The following ARSB variants were observed in gnomAD, a reference collection of about 807,000 sequenced individuals.
ARSB encodes the protein arylsulfatase B, also known as N-acetylgalactosamine-4-sulfatase.
A neutral mutation model predicts 50.9 loss-of-function variants in ARSB; 41 were observed. The observed-to-expected ratio is 0.81, with a 90% CI of 0.63 to 1.04. The LOEUF is 1.04. Ranked by LOEUF, ARSB falls within the 50% of genes least tolerant of loss-of-function variation. The probability of loss-of-function intolerance (pLI) is 0.00; values close to 1 mark genes in which losing one functional copy is unlikely to be tolerated. For missense variants in ARSB, 672 were observed against 693.3 expected (o/e 0.97, Z 0.35); for synonymous variants, 269 against 284.8 (o/e 0.94, Z 0.56).
rs542579556 is a variant in ARSB at position 78,960,400 on chromosome 5, TTG to T, written c.690+4014_690+4015del. On this transcript the variant is annotated intron_variant, in intron 3 of 7. Coordinates refer to ENST00000264914, the MANE Select transcript of ARSB (RefSeq NM_000046.5). ...AAAAAGCATATGATAGGTTTTGAAA[TTG>T]TTTTTCTTTGACTTCTAAATTAAGA... Among the ~76,000 whole-genome samples, 260 of 152,300 alleles carry T rather than the reference TTG, an allele frequency of 1.7e-3. 1 individual carries two copies. Among genetic ancestry groups the T allele is most frequent in the Admixed American group, 3.7e-3 (57 of 15,298 alleles).
At chr5:78,961,881 G>A (rs370538542) in intron 3 of ARSB, among the ~76,000 whole-genome samples, 2 of 151,930 alleles carry the variant, frequency 1.3e-5, no homozygotes, top group East Asian at 3.9e-4. Context: ...GAGCCCAGGA[G>A]GAGGAATAAT....
At chr5:78,933,410 T>C (rs556777900) in intron 4 of ARSB, among the ~76,000 whole-genome samples, 2 of 152,336 alleles carry the variant, frequency 1.3e-5, no homozygotes, top group East Asian at 1.9e-4. Context: ...GTTAAAAGCA[T>C]CTATTTGCCC....
At chr5:78,910,508 C>T (rs777048887) in intron 4 of ARSB, among the ~76,000 whole-genome samples, 2 of 152,018 alleles carry the variant, frequency 1.3e-5, no homozygotes, top group Non-Finnish European at 2.9e-5. Flanking sequence ...TTAAAGTTTC[C>T]ATGATAATAG....
chr5:78,867,471 G>C (rs1458704833), intron 5 of ARSB, among the ~76,000 whole-genome samples: 1 of 152,242 alleles, frequency 6.6e-6, no homozygotes, highest in Non-Finnish European at 1.5e-5. Context: ...CTGGAGATCT[G>C]AGAACGGGTA....
intron 6 of ARSB, among the ~76,000 whole-genome samples, chr5:78,836,779 C>T (rs557411274): frequency 1.3e-5 from 2 of 152,228 alleles, no homozygotes; most frequent in South Asian, 2.1e-4. Context: ...TAAAGAACTA[C>T]CTGAGACTAG....
chr5:78,952,426 T>C (rs1751527974), intron 4 of ARSB, among the ~76,000 whole-genome samples: 1 of 152,062 alleles, frequency 6.6e-6, no homozygotes, highest in Admixed American at 6.6e-5. Context: ...AGCCTCAACC[T>C]CCTAGGCTCA....
chr5:78,967,847 C>T (rs3797550), intron 2 of ARSB, among the ~76,000 whole-genome samples: 40,430 of 151,676 alleles, frequency 0.27, 6,692 homozygotes, highest in African/African-American at 0.47. Flanking sequence ...TTTTTGGCTA[C>T]GGAGGGTTGT....
chr5:78,923,013 C>T (rs189988417), intron 4 of ARSB, among the ~76,000 whole-genome samples: 192 of 152,238 alleles, frequency 1.3e-3, no homozygotes, highest in Non-Finnish European at 2.4e-3. Flanking sequence ...TATAAGGAAA[C>T]GCTTTTTGAA....
Position 78,928,305 on chromosome 5 carries a change from C to CTT in ARSB, c.898+26988_898+26989dup, listed in dbSNP as rs34737292. 5.8e-3 allele frequency among the ~76,000 whole-genome samples: 422 copies of CTT among 72,566 alleles called. 68 individuals are homozygous for CTT. The highest frequency in any genetic ancestry group is 7.2e-3 in the Non-Finnish European group (281 of 38,774). 47.6% of individuals were successfully genotyped at this position (72,566 alleles called of 152,430 possible). A position where few individuals can be genotyped will look rare whatever the true frequency, so the allele number is the denominator to read the frequency against. On this transcript the variant is annotated intron_variant, in intron 4 of 7. Coordinates refer to ENST00000264914, the MANE Select transcript of ARSB (RefSeq NM_000046.5). ...CAACTGTGATTGCCATTTGCTTTTGCTTTTTTTTTTTTTTTTTTTTTTTTT... is the reference window on the plus strand; with the variant it reads ...CAACTGTGATTGCCATTTGCTTTTGCTTTTTTTTTTTTTTTTTTTTTTTTTTT...
chr5:78,913,273 C>G (rs922462319), intron 4 of ARSB, among the ~76,000 whole-genome samples: 1 of 152,104 alleles, frequency 6.6e-6, no homozygotes, highest in Non-Finnish European at 1.5e-5. Context: ...TACAGGCGCC[C>G]GCCACCTCGC....
At chr5:78,940,205 C>T (rs1037959140) in intron 4 of ARSB, among the ~76,000 whole-genome samples, 7 of 152,150 alleles carry the variant, frequency 4.6e-5, no homozygotes, top group Non-Finnish European at 8.8e-5. Context: ...GAGTAGATTG[C>T]AAAAATTTTC....
At chr5:78,937,197 C>A (rs1750642575) in intron 4 of ARSB, among the ~76,000 whole-genome samples, 1 of 150,770 alleles carries the variant, frequency 6.6e-6, no homozygotes, top group African/African-American at 2.4e-5. Flanking sequence ...TAAACCCAAA[C>A]AAATTGGAAA....
intron 1 of ARSB, among the ~76,000 whole-genome samples, chr5:78,984,242 T>C (rs1352718591): frequency 6.6e-6 from 1 of 152,228 alleles, no homozygotes; most frequent in Non-Finnish European, 1.5e-5. Context: ...GCTATGCAAA[T>C]GTTCTTGATA....
intron 5 of ARSB, among the ~76,000 whole-genome samples, chr5:78,870,790 A>G (rs1747109001): frequency 6.6e-6 from 1 of 151,398 alleles, no homozygotes; most frequent in African/African-American, 2.4e-5. Context: ...CTCCTATTCA[A>G]CATAGTGTTG....
chr5:78,942,616 G>A (rs1380525746), intron 4 of ARSB, among the ~76,000 whole-genome samples: 1 of 152,182 alleles, frequency 6.6e-6, no homozygotes, highest in Non-Finnish European at 1.5e-5. Context: ...TTAATCCTGA[G>A]TTCTAGTTTG....
At chr5:78,919,605 G>A (rs576251940) in intron 4 of ARSB, among the ~76,000 whole-genome samples, 2 of 152,246 alleles carry the variant, frequency 1.3e-5, no homozygotes, top group Admixed American at 1.3e-4. Flanking sequence ...TGATTCTCCA[G>A]CCTCAGCCTC....
At chr5:78,822,970 A>T (rs1380156671) in intron 6 of ARSB, among the ~76,000 whole-genome samples, 1 of 152,186 alleles carries the variant, frequency 6.6e-6, no homozygotes, top group Non-Finnish European at 1.5e-5. Flanking sequence ...TTATTTTTAC[A>T]CAACTGAGAT....
intron 3 of ARSB, among the ~76,000 whole-genome samples, chr5:78,957,780 G>A (rs902775066): frequency 6.6e-6 from 1 of 151,972 alleles, no homozygotes; most frequent in Non-Finnish European, 1.5e-5. Context: ...TCTTGGCTGC[G>A]ATGTCTGGAG....
chr5:78,856,825 C>T (rs1187520765), intron 5 of ARSB, among the ~76,000 whole-genome samples: 2 of 152,290 alleles, frequency 1.3e-5, no homozygotes, highest in East Asian at 3.9e-4. Context: ...TCCATACAAT[C>T]ATCAGAAAAT....
Sources: allele counts gnomAD v4.1 joint callset (sites outside exome capture counted in the v4.1 genomes callset), GRCh38; gene constraint gnomAD v4.1.1; transcripts MANE v1.5; gene names NCBI Gene and HGNC (gene_info 2026-07-23, HGNC 2026-07-21).